The following ACVR2B variants were observed in gnomAD, a reference collection of about 807,000 sequenced individuals.
ACVR2B encodes activin A receptor type 2B.
In ACVR2B, 18 loss-of-function variants were observed where a neutral mutation model predicts 65.1. The observed-to-expected ratio is 0.28, with a 90% CI of 0.19 to 0.41. The LOEUF (loss-of-function observed/expected upper bound fraction) is 0.41. ACVR2B is among the 10% of genes least tolerant of loss of function. The probability of loss-of-function intolerance (pLI) is 1.00; values close to 1 mark genes in which losing one functional copy is unlikely to be tolerated. For missense variants in ACVR2B, 482 were observed against 682.7 expected, an observed-to-expected ratio of 0.71 and a Z score of 3.28; for synonymous variants, 298 against 277.7, an observed-to-expected ratio of 1.07 and a Z score of -0.73.
chr3:38,487,413 C>T lies in ACVR2B; in HGVS notation c.*4081C>T, dbSNP rs1024022526. 12 of 152,292 alleles carry T rather than the reference C, an allele frequency of 7.9e-5. No individual in the cohort carries two copies. The highest frequency in any genetic ancestry group is 2.7e-4 in the African/African-American group (11 of 41,452). The allele number at this position is 152,292 out of a possible 1,614,324, so 9.4% of individuals were successfully genotyped here. On this transcript the variant is annotated 3_prime_UTR_variant, in exon 11 of 11. Transcript: ENST00000352511. ...TTGACATAACTTAGACAGCAAAGCA[C>T]TTCATCCTGTAGTTGGGCTCTGTCA...
chr3:38,463,240 G>A (rs547997913), intron 1 of ACVR2B, among the ~76,000 whole-genome samples: 28 of 152,288 alleles, frequency 1.8e-4, no homozygotes, highest in African/African-American at 5.5e-4. Context: ...TCTATGCTGC[G>A]TGCAGACTCT....
chr3:38,476,283 G>A (rs1709906164), intron 1 of ACVR2B: 1 of 152,248 alleles, frequency 6.6e-6, no homozygotes, highest in African/African-American at 2.4e-5. Flanking sequence ...GGGCAGGTGG[G>A]GGTTGAAGTC....
In ACVR2B at chr3:38,478,667, C is replaced by T. The variant is rs145122442; in HGVS notation, c.666+149C>T. The T allele has an allele frequency of 1.3e-3, 1,484 of 1,126,708 alleles. 14 individuals carry two copies. In the African/African-American group the frequency reaches 0.021, roughly 16 times the overall value. 69.8% of individuals were successfully genotyped at this position (1,126,708 alleles called of 1,614,324 possible). On this transcript the variant is annotated intron_variant, in intron 5 of 10. Transcript: ENST00000352511. ...ACTGGGCCTAGTTACTCATGTTACA[C>T]TTGGCTGGTCTGTAGATTTCATGCA...
Position 38,478,181 on chromosome 3 carries a change from G to T in ACVR2B, c.411G>T (p.Thr137=). 1 of 1,613,420 alleles carries T rather than the reference G, an allele frequency of 6.2e-7. No individual in the cohort carries two copies. The highest frequency in any genetic ancestry group is 8.5e-7 in the Non-Finnish European group (1 of 1,179,964). The change falls in exon 4 of 11, where the codon ACG becomes ACT. Residue 137 remains threonine (T), a synonymous_variant. Transcript: ENST00000352511. ...EPPPTAPTLL[T]VLAYSLLPIG... ...CCCCGACAGCCCCCACCCTGCTCAC[G>T]GTGCTGGCCTACTCACTGCTGCCCA... is the stretch of plus-strand genomic sequence containing the variant.
chr3:38,493,117 A>G lies in ACVR2B; in HGVS notation c.*9785A>G, dbSNP rs2059826244. On this transcript the variant is annotated 3_prime_UTR_variant, in exon 11 of 11. Coordinates refer to ENST00000352511, the MANE Select transcript of ACVR2B (RefSeq NM_001106.4). Reference sequence around the variant, plus strand: ...TATTTCAAGTTTTATCTTTTTGTATATGAAAATAAAATAATAATAAAACAA... The same window carrying G: ...TATTTCAAGTTTTATCTTTTTGTATGTGAAAATAAAATAATAATAAAACAA... 2 of 152,756 alleles carry G rather than the reference A, an allele frequency of 1.3e-5. No homozygotes were observed. Among genetic ancestry groups the G allele is most frequent in the South Asian group, 2.1e-4 (1 of 4,820 alleles). 9.5% of individuals were successfully genotyped at this position (152,756 alleles called of 1,614,324 possible).
At chr3:38,458,250 G>T (rs865901887) in intron 1 of ACVR2B, among the ~76,000 whole-genome samples, 27 of 152,272 alleles carry the variant, frequency 1.8e-4, no homozygotes, top group East Asian at 1.7e-3. Flanking sequence ...AGGAGCCAAT[G>T]AAGAGCCCAC....
At position 38,479,205 on chromosome 3, in the gene ACVR2B, T is replaced by C. The variant is rs145988028; in HGVS notation, c.744T>C (p.Ile248=). The C allele has an allele frequency of 2.6e-5, 42 of 1,614,056 alleles. No individual in the cohort carries two copies. In the African/African-American group the frequency reaches 4.9e-4, roughly 19 times the overall value. ...GMKHENLLQF[I]AAEKRGSNLE... is the part of the protein sequence containing the mutation. ...AGCACGAGAACCTGCTACAGTTCATTGCTGCCGAGAAGCGAGGCTCCAACC... is the reference window on the plus strand; with the variant it reads ...AGCACGAGAACCTGCTACAGTTCATCGCTGCCGAGAAGCGAGGCTCCAACC... Residue 248 remains isoleucine, a synonymous_variant, in exon 6 of 11, where the codon ATT becomes ATC. Transcript: ENST00000352511.
At chr3:38,458,035 G>T (rs1268660336) in intron 1 of ACVR2B, among the ~76,000 whole-genome samples, 1 of 152,140 alleles carries the variant, frequency 6.6e-6, no homozygotes, top group African/African-American at 2.4e-5. Context: ...GCTCTTAGGG[G>T]CCCTTTCAAG....
Position 38,483,382 on chromosome 3 carries a change from G to GAA in ACVR2B, c.*56_*57dup. On this transcript the variant is annotated 3_prime_UTR_variant, in exon 11 of 11. Transcript: ENST00000352511. This position sits in a 1 kb window ranked among gnomAD's most constrained non-coding sequence, Gnocchi z 4.8. Reference sequence around the variant, plus strand: ...GACTCAGTGGATCTGAAGAAAAAAGGAAAAAAAGTTGTGTTTTGTTTTGGA... The same window carrying GAA: ...GACTCAGTGGATCTGAAGAAAAAAGGAAAAAAAAAGTTGTGTTTTGTTTTGGA... 1 of 1,600,058 alleles carries GAA rather than the reference G, an allele frequency of 6.2e-7. No individual in the cohort carries two copies. The highest frequency in any genetic ancestry group is 1.1e-5 in the South Asian group (1 of 90,224).
At position 38,479,110 on chromosome 3, in the gene ACVR2B, C is replaced by CCA; in HGVS notation, c.667-17_667-16insAC. On this transcript the variant is annotated splice_polypyrimidine_tract_variant and intron_variant, in intron 5 of 10. Transcript: ENST00000352511. ...AAGCCAGCCACTTGTCCCCCCAACC[C>CCA]CTCGCCCCCGGCCTCAGGACAAGCA... is the stretch of plus-strand genomic sequence containing the variant. 1.9e-6 allele frequency: 3 copies of CCA among 1,613,876 alleles called. No homozygotes were observed. The highest frequency in any genetic ancestry group is 1.3e-5 in the African/African-American group (1 of 74,888).
chr3:38,471,117 A>C (rs1709810822), intron 1 of ACVR2B, among the ~76,000 whole-genome samples: 1 of 152,250 alleles, frequency 6.6e-6, no homozygotes, highest in African/African-American at 2.4e-5. Flanking sequence ...ACATCAGATA[A>C]AATGGACTTT....
At chr3:38,482,368 A>AT (rs1322370617) in intron 9 of ACVR2B, 32 bp downstream of exon 9, 1 of 1,609,470 alleles carries the variant, frequency 6.2e-7, no homozygotes, top group Non-Finnish European at 8.5e-7. Context: ...GGCATCCTAG[A>AT]TTGAGTGATA....
rs1419093625 is a variant in ACVR2B at position 38,484,274 on chromosome 3, A to C, written c.*942A>C. 6.6e-6 allele frequency: 1 copy of C among 152,290 alleles called. No individual in the cohort carries two copies. Among genetic ancestry groups the C allele is most frequent in the Non-Finnish European group, 1.5e-5 (1 of 68,050 alleles). 9.4% of individuals were successfully genotyped at this position (152,290 alleles called of 1,614,324 possible). A position where few individuals can be genotyped will look rare whatever the true frequency, so the allele number is the denominator to read the frequency against. ...GAGGGTAGAATCATCACAGGTTAGG[A>C]ATACATTCTTCATAAGACACGATGC... is the stretch of plus-strand genomic sequence containing the variant. On this transcript the variant is annotated 3_prime_UTR_variant, in exon 11 of 11. Coordinates refer to ENST00000352511, the MANE Select transcript of ACVR2B (RefSeq NM_001106.4).
In ACVR2B at chr3:38,454,428, T is replaced by A. The variant is rs1391029604; in HGVS notation, c.52+54T>A. ...CGAGAGGGCGCGCGGGGCTGGCCTC[T>A]GGCGCCGCGCGGTGTTTACCAACAA... On this transcript the variant is annotated intron_variant, in intron 1 of 10. Transcript: ENST00000352511. 5.7e-6 allele frequency: 7 copies of A among 1,222,728 alleles called. No homozygotes were observed. The African/African-American group carries it at 9.4e-5, about 16-fold the overall frequency. The allele number at this position is 1,222,728 out of a possible 1,614,324, so 75.7% of individuals were successfully genotyped here.
chr3:38,492,405 C>T lies in ACVR2B; in HGVS notation c.*9073C>T, dbSNP rs2059816557. The T allele has an allele frequency of 6.6e-6, 1 of 152,514 alleles. No individual in the cohort carries two copies. The highest frequency in any genetic ancestry group is 6.5e-5 in the Admixed American group (1 of 15,272). 9.4% of individuals were successfully genotyped at this position (152,514 alleles called of 1,614,324 possible). A position where few individuals can be genotyped will look rare whatever the true frequency, so the allele number is the denominator to read the frequency against. ...GTTTAAAATGATGAGTAATTGCAAA[C>T]TCTGGAAATGTGACTAGTATATGAT... On this transcript the variant is annotated 3_prime_UTR_variant, in exon 11 of 11. Transcript: ENST00000352511.
Position 38,490,507 on chromosome 3 carries a change from C to T in ACVR2B, c.*7175C>T, listed in dbSNP as rs1400752542. The T allele has an allele frequency of 1.3e-5, 2 of 152,626 alleles. No homozygotes were observed. The highest frequency in any genetic ancestry group is 3.8e-4 in the East Asian group (2 of 5,200). 9.5% of individuals were successfully genotyped at this position (152,626 alleles called of 1,614,324 possible). ...AAAGAACATTTTCTCTGCTCTCCAG[C>T]CACGTGTCTTGGAATGTAATTCTGT... On this transcript the variant is annotated 3_prime_UTR_variant, in exon 11 of 11. Transcript: ENST00000352511.
chr3:38,468,816 T>C (rs1480143506), intron 1 of ACVR2B, among the ~76,000 whole-genome samples: 1 of 152,214 alleles, frequency 6.6e-6, no homozygotes, highest in Non-Finnish European at 1.5e-5. Context: ...TTCTTACAGG[T>C]TTATGCATTA....
chr3:38,458,004 G>T (rs1709578848), intron 1 of ACVR2B, among the ~76,000 whole-genome samples: 1 of 152,168 alleles, frequency 6.6e-6, no homozygotes, highest in Non-Finnish European at 1.5e-5. Context: ...TGCCTTTTGG[G>T]AGGAATGGGT....
At chr3:38,458,052 G>A (rs572408083) in intron 1 of ACVR2B, among the ~76,000 whole-genome samples, 1 of 152,304 alleles carries the variant, frequency 6.6e-6, no homozygotes, top group East Asian at 1.9e-4. Flanking sequence ...CAAGGCAGAT[G>A]ATGTGAGAAA....
Sources: gnomAD v4.1 joint callset for allele counts (sites outside exome capture counted in the v4.1 genomes callset) on GRCh38, gnomAD v4.1.1 for gene constraint, Gnocchi (gnomAD v3.1) non-coding constraint, MANE v1.5 for transcripts, NCBI Gene and HGNC (gene_info 2026-07-23, HGNC 2026-07-21) for gene names.